The following TUBA1B variants were observed in gnomAD, a reference collection of about 807,000 sequenced individuals.
The protein encoded by TUBA1B is tubulin alpha-1B chain.
TUBA1B carries 1 observed loss-of-function variant against 34.4 expected under a neutral mutation model. The observed-to-expected ratio is 0.03, with a 90% confidence interval of 0.01 to 0.14. TUBA1B has a LOEUF of 0.14. TUBA1B is among the 10% of genes least tolerant of loss of function. The probability of loss-of-function intolerance (pLI) is 1.00; values close to 1 mark genes in which losing one functional copy is unlikely to be tolerated. For synonymous variants in TUBA1B, 197 were observed against 212.5 expected, an observed-to-expected ratio of 0.93 and a Z score of 0.64; for missense variants, 54 against 583.6, an observed-to-expected ratio of 0.09 and a Z score of 9.35.
Position 49,130,287 on chromosome 12 carries a change from G to A in TUBA1B, c.4-565C>T, listed in dbSNP as rs1191804574. Reference sequence around the variant, plus strand: ...TTCCGGGCAGCTCCTAGCACAGGAAGCACGTGGCCAGACCAGCGCAGAAGA... The same window carrying A: ...TTCCGGGCAGCTCCTAGCACAGGAAACACGTGGCCAGACCAGCGCAGAAGA... On this transcript the variant is annotated intron_variant, in intron 1 of 3. Coordinates refer to ENST00000336023, the MANE Select transcript of TUBA1B (RefSeq NM_006082.3). The A allele has an allele frequency of 4.7e-6, 6 of 1,289,222 alleles. No individual in the cohort carries two copies. The East Asian group carries it at 1.7e-4, about 36-fold the overall frequency. 79.9% of individuals were successfully genotyped at this position (1,289,222 alleles called of 1,614,324 possible).
intron 1 of TUBA1B, chr12:49,129,985 T>C: frequency 1.0e-6 from 1 of 1,000,728 alleles, no homozygotes; most frequent in South Asian, 1.8e-5. Flanking sequence ...TCTGGCTGTG[T>C]TACCTAGGCT....
Position 49,128,999 on chromosome 12 carries a change from A to G in TUBA1B, c.376-61T>C. 6.5e-7 allele frequency: 1 copy of G among 1,543,124 alleles called. No individual in the cohort carries two copies. The highest frequency in any genetic ancestry group is 2.1e-5 in the Admixed American group (1 of 47,042). ...CAGGACACATTATCTTAGAATTTCT[A>G]TTTCAACTTTTTAGATTACGAACCA... is the stretch of plus-strand genomic sequence containing the variant. On this transcript the variant is annotated intron_variant, in intron 3 of 3. Coordinates refer to ENST00000336023, the MANE Select transcript of TUBA1B (RefSeq NM_006082.3). The surrounding 1 kb of genome is among the most constrained non-coding windows in gnomAD (Gnocchi z 8.1).
At position 49,127,874 on chromosome 12, in the gene TUBA1B, C is replaced by T. The variant is rs1305548189; in HGVS notation, c.*84G>A. On this transcript the variant is annotated 3_prime_UTR_variant, in exon 4 of 4. Coordinates refer to ENST00000336023, the MANE Select transcript of TUBA1B (RefSeq NM_006082.3). ...TGATCACCAAGTGAAAACAATCTAA[C>T]CAGAAAGCTTTAACGTCTGTCAGTT... The T allele has an allele frequency of 3.8e-6, 6 of 1,596,052 alleles. No homozygotes were observed. The highest frequency in any genetic ancestry group is 1.7e-5 in the Admixed American group (1 of 58,994).
intron 1 of TUBA1B, chr12:49,130,320 G>C (rs1401918736): frequency 7.8e-7 from 1 of 1,289,102 alleles, no homozygotes; most frequent in African/African-American, 1.5e-5. Context: ...AGAAATGTCT[G>C]TCCGCAGGGA....
At position 49,128,942 on chromosome 12, in the gene TUBA1B, T is replaced by C. The variant is rs759167977; in HGVS notation, c.376-4A>G. On this transcript the variant is annotated splice_region_variant and splice_polypyrimidine_tract_variant and intron_variant, in intron 3 of 3. Transcript: ENST00000336023. This position sits in a 1 kb window ranked among gnomAD's most constrained non-coding sequence, Gnocchi z 8.1. ...GAAGACCGGTGCACTGGTCAGCCTG[T>C]AGGGGAATAAAAAAATGTAATATTT... is the stretch of plus-strand genomic sequence containing the variant. The C allele has an allele frequency of 4.4e-6, 7 of 1,584,394 alleles. No homozygotes were observed. In the Middle Eastern group the frequency reaches 5.1e-4, roughly 115 times the overall value.
Position 49,131,376 on chromosome 12 carries a change from G to A in TUBA1B, c.-76C>T. On this transcript the variant is annotated 5_prime_UTR_variant, in exon 1 of 4. Transcript: ENST00000336023. ...GGTTACCGTCCCCGACAAGCTAAGA[G>A]TCGAGGTAAGTAACGCACTAGGGCG... is the stretch of plus-strand genomic sequence containing the variant. 2.6e-6 allele frequency: 4 copies of A among 1,565,112 alleles called. No homozygotes were observed. In the South Asian group the frequency reaches 3.4e-5, roughly 13 times the overall value.
At chr12:49,129,091 G>A in intron 3 of TUBA1B, 151 bp downstream of exon 3, 2 of 1,545,912 alleles carry the variant, frequency 1.3e-6, no homozygotes, top group Non-Finnish European at 1.8e-6. Context: ...CATAACCTAG[G>A]GACTATCTGA....
Position 49,129,671 on chromosome 12 carries a change from C to T in TUBA1B, c.55G>A (p.Ala19Thr), listed in dbSNP as rs746860600. The change falls in exon 2 of 4, where the codon GCC (alanine) becomes ACC (threonine). Residue 19 changes from alanine to threonine, a missense_variant. Physicochemically the swap from Ala to Thr is moderately conservative, Grantham distance 58 (BLOSUM62 0). Transcript: ENST00000336023. The stretch of plus-strand genomic sequence containing the variant: ...TCCAGGCAGTAGAGCTCCCAGCAGG[C>T]ATTGCCAATCTGGACACCAGCCTGG... ...VGQAGVQIGN[A>T]CWELYCLEHG... The T allele has an allele frequency of 6.2e-7, 1 of 1,614,258 alleles. No homozygotes were observed. The highest frequency in any genetic ancestry group is 8.5e-7 in the Non-Finnish European group (1 of 1,180,054).
chr12:49,127,847 C>A lies in TUBA1B; in HGVS notation c.*111G>T. The A allele has an allele frequency of 6.6e-7, 1 of 1,505,436 alleles. No homozygotes were observed. The allele number at this position is 1,505,436 out of a possible 1,614,324, so 93.3% of individuals were successfully genotyped here. A position where few individuals can be genotyped will look rare whatever the true frequency, so the allele number is the denominator to read the frequency against. On this transcript the variant is annotated 3_prime_UTR_variant, in exon 4 of 4. Coordinates refer to ENST00000336023, the MANE Select transcript of TUBA1B (RefSeq NM_006082.3). ...ATATTACAGGTACACATGGAAAAGACATGATCACCAAGTGAAAACAATCTA... is the reference window on the plus strand; with the variant it reads ...ATATTACAGGTACACATGGAAAAGAAATGATCACCAAGTGAAAACAATCTA...
intron 2 of TUBA1B, 25 bp downstream of exon 2, chr12:49,129,475 T>A (rs1351234694): frequency 6.2e-7 from 1 of 1,613,970 alleles, no homozygotes; most frequent in South Asian, 1.1e-5. Flanking sequence ...CATCCTGGGA[T>A]CTCAGGTTAC....
At position 49,128,295 on chromosome 12, in the gene TUBA1B, C is replaced by G. The variant is rs1059274; in HGVS notation, c.1019G>C (p.Ser340Thr). 7 of 1,614,078 alleles carry G rather than the reference C, an allele frequency of 4.3e-6. No homozygotes were observed. Among genetic ancestry groups the G allele is most frequent in the Non-Finnish European group, 3.4e-6 (4 of 1,180,034 alleles). The change falls in exon 4 of 4, where the codon AGC (serine) becomes ACC (threonine). Residue 340 changes from serine (S) to threonine (T), a missense_variant. Transcript: ENST00000336023. The surrounding 1 kb of genome is among the most constrained non-coding windows in gnomAD (Gnocchi z 8.1). ...GGGGCACCAATCCACAAACTGGATG[C>G]TGCGCTTGGTTTTGATGGTGGCAAT... is the stretch of plus-strand genomic sequence containing the variant. ...AAIATIKTKR[S>T]IQFVDWCPTG...
intron 2 of TUBA1B, 41 bp from the exon 3 acceptor site, chr12:49,129,431 C>CA (rs1207952580): frequency 1.2e-6 from 2 of 1,613,764 alleles, no homozygotes; most frequent in African/African-American, 2.7e-5. Context: ...GAGTGAGTGA[C>CA]AAGAGAAGCC....
intron 1 of TUBA1B, chr12:49,130,302 A>G: frequency 3.9e-6 from 5 of 1,289,230 alleles, no homozygotes; most frequent in Non-Finnish European, 4.0e-6. Context: ...TGGCCAGACC[A>G]GCGCAGAAGA....
At position 49,127,931 on chromosome 12, in the gene TUBA1B, T is replaced by C; in HGVS notation, c.*27A>G. On this transcript the variant is annotated 3_prime_UTR_variant, in exon 4 of 4. Transcript: ENST00000336023. ...AAGCTGAAATTCTGGGAGCATGACA[T>C]GCTGCAGGGCCAAAAGGAATGGATA... 1.2e-6 allele frequency: 2 copies of C among 1,614,006 alleles called. No homozygotes were observed. Among genetic ancestry groups the C allele is most frequent in the Non-Finnish European group, 1.7e-6 (2 of 1,179,872 alleles).
chr12:49,129,191 G>T (rs1470660049), intron 3 of TUBA1B, 51 bp downstream of exon 3: 1 of 1,612,282 alleles, frequency 6.2e-7, no homozygotes. Context: ...CACCCAACTT[G>T]CACTGGAACT....
At chr12:49,131,090 C>T (rs1159154475) in intron 1 of TUBA1B, 7 of 548,678 alleles carry the variant, frequency 1.3e-5, no homozygotes, top group Non-Finnish European at 2.0e-5. Context: ...AGAAGAAATC[C>T]TGGCGCCCCT....
chr12:49,129,275 G>A lies in TUBA1B; in HGVS notation c.342C>T (p.Ile114=), dbSNP rs1481253473. 2 of 1,614,200 alleles carry A rather than the reference G, an allele frequency of 1.2e-6. No individual in the cohort carries two copies. The highest frequency in any genetic ancestry group is 1.1e-5 in the South Asian group (1 of 91,084). ...GAATTCGGTCCAACACAAGGTCAATGATCTCCTTGCCAATGGTGTAGTGCC... is the reference window on the plus strand; with the variant it reads ...GAATTCGGTCCAACACAAGGTCAATAATCTCCTTGCCAATGGTGTAGTGCC... The part of the protein sequence containing the change: ...ARGHYTIGKE[I]IDLVLDRIRK... Residue 114 remains isoleucine (I), a synonymous_variant, in exon 3 of 4, where the codon ATC becomes ATT. Coordinates refer to ENST00000336023, the MANE Select transcript of TUBA1B (RefSeq NM_006082.3).
intron 1 of TUBA1B, chr12:49,130,323 C>T (rs1941787814): frequency 4.7e-6 from 6 of 1,289,200 alleles, no homozygotes; most frequent in Non-Finnish European, 5.1e-6. Flanking sequence ...AATGTCTGTC[C>T]GCAGGGACAA....
rs768531356 is a variant in TUBA1B at position 49,129,338 on chromosome 12, G to T, written c.279C>A (p.Ile93=). The change falls in exon 3 of 4, where the codon ATC becomes ATA. Residue 93 remains isoleucine (I), a synonymous_variant. Transcript: ENST00000336023. ...YRQLFHPEQL[I]TGKEDAANNY... is the part of the protein sequence containing the mutation. ...TATTGGCAGCATCTTCCTTGCCTGT[G>T]ATGAGCTGCTCAGGGTGGAAGAGCT... 24 of 1,614,228 alleles carry T rather than the reference G, an allele frequency of 1.5e-5. No homozygotes were observed. Among genetic ancestry groups the T allele is most frequent in the Non-Finnish European group, 1.9e-5 (22 of 1,180,046 alleles).
Sources: allele counts gnomAD v4.1 joint callset, GRCh38; gene constraint gnomAD v4.1.1; non-coding constraint Gnocchi (gnomAD v3.1); transcripts MANE v1.5; gene names NCBI Gene and HGNC (gene_info 2026-07-23, HGNC 2026-07-21).